MAGI1: variants seen among roughly 807,000 people sequenced by gnomAD.
MAGI1 encodes the protein membrane associated guanylate kinase, WW and PDZ domain containing 1.
MAGI1 carries 58 observed loss-of-function variants against 139.9 expected under a neutral mutation model. That is an observed-to-expected ratio of 0.41 (90% CI 0.34 to 0.52). The LOEUF is 0.52. Among genes scored for constraint, MAGI1 ranks in the 20% least tolerant of loss-of-function variants. The probability of loss-of-function intolerance (pLI) is 0.12; values close to 1 mark genes in which losing one functional copy is unlikely to be tolerated. For synonymous variants in MAGI1, 812 were observed against 737.9 expected, an observed-to-expected ratio of 1.10 and a Z score of -1.63; for missense variants, 1,874 against 1,901.6, an observed-to-expected ratio of 0.99 and a Z score of 0.27.
At chr3:66,000,180 G>A (rs2066670737) in intron 1 of MAGI1, among the ~76,000 whole-genome samples, 1 of 151,936 alleles carries the variant, frequency 6.6e-6, no homozygotes, top group Admixed American at 6.6e-5. Flanking sequence ...GTTTCACCGT[G>A]TTAGCCAGAA....
chr3:65,682,257 T>A (rs1257862435), intron 1 of MAGI1, among the ~76,000 whole-genome samples: 1 of 152,142 alleles, frequency 6.6e-6, no homozygotes, highest in African/African-American at 2.4e-5. Flanking sequence ...AGCCCTTGAC[T>A]AGCAAAAATA....
chr3:65,935,841 T>G (rs1261072993), intron 1 of MAGI1, among the ~76,000 whole-genome samples: 1 of 152,110 alleles, frequency 6.6e-6, no homozygotes, highest in Non-Finnish European at 1.5e-5. Flanking sequence ...TAAACCATTG[T>G]GGAAAAGACA....
chr3:65,589,456 C>T (rs2081857445), intron 2 of MAGI1, among the ~76,000 whole-genome samples: 1 of 152,096 alleles, frequency 6.6e-6, no homozygotes, highest in Non-Finnish European at 1.5e-5. Flanking sequence ...CCAGTATTCA[C>T]CAAGTCCTTT....
chr3:65,913,634 T>G (rs2061766604), intron 1 of MAGI1, among the ~76,000 whole-genome samples: 1 of 152,162 alleles, frequency 6.6e-6, no homozygotes, highest in South Asian at 2.1e-4. Flanking sequence ...CTTGGAGCAT[T>G]TACCATGAGA....
chr3:65,696,923 A>G (rs911677474), intron 1 of MAGI1, among the ~76,000 whole-genome samples: 4 of 152,138 alleles, frequency 2.6e-5, no homozygotes, highest in Non-Finnish European at 5.9e-5. Context: ...AAAAAAGGTA[A>G]TGAATCGAGG....
intron 1 of MAGI1, among the ~76,000 whole-genome samples, chr3:65,747,076 C>T (rs149693042): frequency 1.3e-5 from 2 of 152,034 alleles, no homozygotes; most frequent in South Asian, 2.1e-4. Context: ...TGAGGCAGGA[C>T]GAATGTGTGA....
intron 2 of MAGI1, among the ~76,000 whole-genome samples, chr3:65,562,434 T>C (rs977385180): frequency 1.3e-5 from 2 of 152,192 alleles, no homozygotes; most frequent in Non-Finnish European, 2.9e-5. Flanking sequence ...TGTAAAAAAG[T>C]AATGACTTAT....
chr3:65,831,639 T>C (rs541407210), intron 1 of MAGI1, among the ~76,000 whole-genome samples: 88 of 152,056 alleles, frequency 5.8e-4, no homozygotes, highest in Admixed American at 2.5e-3. Flanking sequence ...CCTAAATGAC[T>C]CCTGGTCTTA....
At chr3:65,867,706 T>A (rs2059779370) in intron 1 of MAGI1, among the ~76,000 whole-genome samples, 1 of 152,060 alleles carries the variant, frequency 6.6e-6, no homozygotes, top group African/African-American at 2.4e-5. Flanking sequence ...TGAGCCATGA[T>A]CTCACCACTG....
At chr3:65,892,909 G>A (rs2060824676) in intron 1 of MAGI1, among the ~76,000 whole-genome samples, 1 of 152,060 alleles carries the variant, frequency 6.6e-6, no homozygotes, top group Admixed American at 6.6e-5. Context: ...AGCCACCCAG[G>A]GTCAGAGGCA....
intron 1 of MAGI1, among the ~76,000 whole-genome samples, chr3:65,805,693 C>T (rs1277822910): frequency 2.0e-5 from 3 of 152,118 alleles, no homozygotes; most frequent in Non-Finnish European, 4.4e-5. Context: ...AACCTAAATG[C>T]CCATCAGCAA....
rs565516653 is a variant in MAGI1 at position 65,979,056 on chromosome 3, T to C, written c.313+58940A>G. Among the ~76,000 whole-genome samples, 5 of 147,086 alleles carry C rather than the reference T, an allele frequency of 3.4e-5. No individual in the cohort carries two copies. The South Asian group carries it at 1.1e-3, about 32-fold the overall frequency. On this transcript the variant is annotated intron_variant, in intron 1 of 22. Transcript: ENST00000402939. ...AAAATTCTGGAAAAAGAAGTCAAGT[T>C]AGAAAGAACAGCCAAAGTTTTTTTC...
chr3:65,798,254 A>C (rs887621178), intron 1 of MAGI1, among the ~76,000 whole-genome samples: 13 of 151,580 alleles, frequency 8.6e-5, no homozygotes, highest in Non-Finnish European at 1.8e-4. Context: ...CCGTGAGCCG[A>C]GATCACACCA....
intron 1 of MAGI1, among the ~76,000 whole-genome samples, chr3:65,877,904 T>C (rs534160229): frequency 2.7e-4 from 41 of 152,126 alleles, no homozygotes; most frequent in African/African-American, 9.9e-4. Flanking sequence ...CCCAGGACTT[T>C]GAGACCAGCC....
intron 1 of MAGI1, among the ~76,000 whole-genome samples, chr3:65,648,751 G>C (rs975782520): frequency 3.3e-5 from 5 of 152,128 alleles, no homozygotes; most frequent in African/African-American, 1.2e-4. Context: ...AACTGGAATA[G>C]TAAAAAATTT....
chr3:65,635,902 C>T (rs998710032), intron 1 of MAGI1, among the ~76,000 whole-genome samples: 1 of 152,208 alleles, frequency 6.6e-6, no homozygotes, highest in Non-Finnish European at 1.5e-5. Context: ...ATTCTGACTG[C>T]ATTACAGTAT....
intron 2 of MAGI1, among the ~76,000 whole-genome samples, chr3:65,509,910 C>G (rs537408983): frequency 6.6e-6 from 1 of 152,298 alleles, no homozygotes; most frequent in East Asian, 1.9e-4. Flanking sequence ...CCCTGTCTGA[C>G]AGCTTTGAAG....
At chr3:65,844,390 A>G in intron 1 of MAGI1, 1 of 346,690 alleles carries the variant, frequency 2.9e-6, no homozygotes. Flanking sequence ...AGTTACTCAG[A>G]AGAAAAGGAT....
At position 65,817,281 on chromosome 3, in the gene MAGI1, ATATAT is replaced by A. The variant is rs561012048; in HGVS notation, c.314-195198_314-195194del. The stretch of plus-strand genomic sequence containing the variant: ...TGAATTTTGTATATCAGATGTTCAC[ATATAT>A]TATATCTGAACTTAATTTAATTTAG... On this transcript the variant is annotated intron_variant, in intron 1 of 22. Transcript: ENST00000402939. Among the ~76,000 whole-genome samples the A allele has an allele frequency of 3.2e-3, 482 of 151,250 alleles. 1 individual carries two copies. The highest frequency in any genetic ancestry group is 0.011 in the African/African-American group (447 of 41,092).
Sources: gnomAD v4.1 joint callset for allele counts (sites outside exome capture counted in the v4.1 genomes callset) on GRCh38, gnomAD v4.1.1 for gene constraint, MANE v1.5 for transcripts, NCBI Gene and HGNC (gene_info 2026-07-23, HGNC 2026-07-21) for gene names.